The following TGFBR3 variants were observed in gnomAD, a reference collection of about 807,000 sequenced individuals.
The protein encoded by TGFBR3 is transforming growth factor beta receptor 3.
In TGFBR3, 46 loss-of-function variants were observed where a neutral mutation model predicts 87.9. The observed-to-expected ratio is 0.52, with a 90% CI of 0.41 to 0.67. The LOEUF is 0.67. Ranked by LOEUF, TGFBR3 falls within the 30% of genes least tolerant of loss-of-function variation. TGFBR3 has a pLI of 0.00. For synonymous variants in TGFBR3, 381 were observed against 391.6 expected, an observed-to-expected ratio of 0.97 and a Z score of 0.32; for missense variants, 866 against 1,041.9, an observed-to-expected ratio of 0.83 and a Z score of 2.32.
chr1:91,861,353 T>C (rs924034472), intron 2 of TGFBR3, 118 bp downstream of exon 2: 1 of 786,274 alleles, frequency 1.3e-6, no homozygotes, highest in African/African-American at 1.7e-5. Context: ...TAAGCCATGA[T>C]TATGCCTCTG....
At chr1:91,871,647 G>C (rs1678585130) in intron 1 of TGFBR3, among the ~76,000 whole-genome samples, 1 of 152,158 alleles carries the variant, frequency 6.6e-6, no homozygotes, top group South Asian at 2.1e-4. Context: ...ACAGAGGTAA[G>C]AGATAAAGCT....
At chr1:91,736,734 A>C (rs996185345) in intron 4 of TGFBR3, among the ~76,000 whole-genome samples, 1 of 152,114 alleles carries the variant, frequency 6.6e-6, no homozygotes, top group African/African-American at 2.4e-5. Context: ...CTTGTACTAA[A>C]AAGGCATTTT....
chr1:91,778,732 C>G (rs1674660077), intron 3 of TGFBR3, among the ~76,000 whole-genome samples: 1 of 152,088 alleles, frequency 6.6e-6, no homozygotes, highest in Admixed American at 6.5e-5. Context: ...TAATTCCTGG[C>G]AATACCAACT....
chr1:91,893,384 A>T (rs1196162250), intron 2 of TGFBR3, among the ~76,000 whole-genome samples: 6 of 152,152 alleles, frequency 3.9e-5, no homozygotes, highest in African/African-American at 1.4e-4. Flanking sequence ...TCCCGGGTTC[A>T]AGCAATTCTT....
At chr1:91,691,079 C>T (rs549346457) in intron 16 of TGFBR3, among the ~76,000 whole-genome samples, 2 of 151,832 alleles carry the variant, frequency 1.3e-5, no homozygotes, top group South Asian at 4.2e-4. Context: ...ATTAAAAACT[C>T]AGTAAAAAAC....
At chr1:91,767,156 A>G (rs1674214404) in intron 3 of TGFBR3, among the ~76,000 whole-genome samples, 1 of 134,210 alleles carries the variant, frequency 7.5e-6, no homozygotes, top group African/African-American at 2.8e-5. Context: ...CTGTTTAAGC[A>G]GCATCTTAAA....
intron 14 of TGFBR3, among the ~76,000 whole-genome samples, chr1:91,707,907 C>T (rs561252201): frequency 3.7e-4 from 57 of 152,294 alleles, no homozygotes; most frequent in Admixed American, 6.5e-4. Flanking sequence ...CTCTTCTCAC[C>T]GCCCACAGGG....
chr1:91,680,771 G>A lies in TGFBR3; in HGVS notation c.*2968C>T, dbSNP rs116500181. 3.1e-3 allele frequency: 1,414 copies of A among 453,986 alleles called. 17 individuals carry two copies. The highest frequency in any genetic ancestry group is 0.025 in the African/African-American group (1,238 of 50,046). 28.1% of individuals were successfully genotyped at this position (453,986 alleles called of 1,614,324 possible). ...TTACAGTACAAAAAGACTGGCACGC[G>A]TGTGAGCACCCCACACACACTCACA... On this transcript the variant is annotated 3_prime_UTR_variant, in exon 17 of 17. Coordinates refer to ENST00000212355, the MANE Select transcript of TGFBR3 (RefSeq NM_003243.5).
chr1:91,734,856 C>A lies in TGFBR3; in HGVS notation c.488G>T (p.Trp163Leu), dbSNP rs17885124. The A allele has an allele frequency of 7.3e-5, 118 of 1,614,174 alleles. 1 individual carries two copies. The African/African-American group carries it at 1.3e-3, about 18-fold the overall frequency. Residue 163 changes from tryptophan to leucine, a missense_variant, in exon 5 of 17, where the codon TGG (tryptophan) becomes TTG (leucine). Physicochemically the swap from Trp to Leu is moderately conservative, Grantham distance 61. Transcript: ENST00000212355. ...FPHGNEHLLNWARKEYGAVTS... is the reference protein window; with the variant it reads ...FPHGNEHLLNLARKEYGAVTS... ...AACTGCTCCATACTCTTTTCGGGCC[C>A]AATTTAACAGATGTTCATTTCCATG...
chr1:91,809,191 C>A (rs556957687), intron 2 of TGFBR3, among the ~76,000 whole-genome samples: 111 of 152,216 alleles, frequency 7.3e-4, no homozygotes, highest in Non-Finnish European at 1.5e-3. Context: ...ATTACCAAAT[C>A]TGTTCATCTC....
intron 4 of TGFBR3, among the ~76,000 whole-genome samples, chr1:91,756,279 T>C (rs1027626944): frequency 1.3e-5 from 2 of 152,216 alleles, no homozygotes; most frequent in African/African-American, 4.8e-5. Flanking sequence ...GTATGAGGGC[T>C]AAATGTGCAT....
intron 3 of TGFBR3, among the ~76,000 whole-genome samples, chr1:91,791,866 G>A (rs1442882516): frequency 6.6e-6 from 1 of 152,178 alleles, no homozygotes; most frequent in Non-Finnish European, 1.5e-5. Flanking sequence ...CAGGTGGCTG[G>A]CCCACAGGAG....
chr1:91,687,595 G>A (rs1423977998), intron 16 of TGFBR3, among the ~76,000 whole-genome samples: 4 of 152,156 alleles, frequency 2.6e-5, no homozygotes, highest in African/African-American at 7.2e-5. Flanking sequence ...AAAGGTGAGG[G>A]CAAGCTTGGT....
At chr1:91,719,507 CA>C (rs1427170706) in intron 9 of TGFBR3, 43 bp from the exon 10 acceptor site, 4 of 1,612,456 alleles carry the variant, frequency 2.5e-6, no homozygotes, top group Non-Finnish European at 3.4e-6. Flanking sequence ...GGCCCACAGG[CA>C]GTTCTGTTGT....
At chr1:91,735,078 A>T in intron 4 of TGFBR3, 119 bp from the exon 5 acceptor site, 1 of 1,171,848 alleles carries the variant, frequency 8.5e-7, no homozygotes, top group South Asian at 1.3e-5. Context: ...TTTGTTATAC[A>T]AGCAGATCAG....
chr1:91,722,243 T>C, intron 7 of TGFBR3, 99 bp from the exon 8 acceptor site: 6 of 996,908 alleles, frequency 6.0e-6, no homozygotes, highest in Non-Finnish European at 8.9e-6. Context: ...CTATATTGTA[T>C]ATGAGGGAAT....
At chr1:91,905,202 G>T (rs544609579) in intron 1 of TGFBR3, among the ~76,000 whole-genome samples, 1 of 152,276 alleles carries the variant, frequency 6.6e-6, no homozygotes, top group South Asian at 2.1e-4. Context: ...GGAAATGTAG[G>T]TGATTAAGTT....
intron 2 of TGFBR3, 65 bp downstream of exon 2, chr1:91,861,406 A>G: frequency 1.6e-6 from 2 of 1,276,858 alleles, no homozygotes; most frequent in Non-Finnish European, 1.1e-6. Flanking sequence ...TCTCAACTAA[A>G]GAGACTGGGA....
chr1:91,762,337 C>T (rs1469397930), intron 3 of TGFBR3, among the ~76,000 whole-genome samples: 2 of 152,122 alleles, frequency 1.3e-5, no homozygotes, highest in Admixed American at 6.5e-5. Flanking sequence ...ATGAACTCCC[C>T]GTTAGGCACC....
Sources: allele counts gnomAD v4.1 joint callset (sites outside exome capture counted in the v4.1 genomes callset), GRCh38; gene constraint gnomAD v4.1.1; transcripts MANE v1.5; gene names NCBI Gene and HGNC (gene_info 2026-07-23, HGNC 2026-07-21).